Variants in BCL7C observed in about 807,000 individuals in gnomAD.
The protein encoded by BCL7C is B-cell CLL/lymphoma 7 protein family member C.
In BCL7C, 8 loss-of-function variants were observed where a neutral mutation model predicts 26.2. The observed-to-expected ratio is 0.30, with a 90% CI of 0.18 to 0.55. The LOEUF is 0.55. Among genes scored for constraint, BCL7C ranks in the 20% least tolerant of loss-of-function variants. The pLI is 0.93. For missense variants in BCL7C, 262 were observed against 298.5 expected, an observed-to-expected ratio of 0.88 and a Z score of 0.90; for synonymous variants, 90 against 116.5, an observed-to-expected ratio of 0.77 and a Z score of 1.47.
At chr16:30,884,603 T>A (rs2055100943), downstream of BCL7C, among the ~76,000 whole-genome samples, 1 of 151,554 alleles carries the variant, frequency 6.6e-6, no homozygotes, top group South Asian at 2.1e-4. Context: ...TTCAAGAGAT[T>A]CTCCTGCCTC....
rs532948878 is a variant in BCL7C, at chr16:30,872,284, C to T, written c.528+16576G>A. ...AGTGGTCAGTCCTGAGAGCAGGTGGCGGCCTGACATTCCAGAAACATGGGA... is the reference window on the plus strand; with the variant it reads ...AGTGGTCAGTCCTGAGAGCAGGTGGTGGCCTGACATTCCAGAAACATGGGA... On this transcript the variant is annotated intron_variant, in intron 5 of 5. Coordinates refer to the BCL7C transcript ENST00000380317. 4.2e-4 allele frequency among the ~76,000 whole-genome samples: 64 copies of T among 152,170 alleles called. 1 individual carries two copies. The South Asian group carries it at 0.011, about 27-fold the overall frequency.
chr16:30,844,304 G>GGCACCAAT (rs1363842927), intron 5 of BCL7C, among the ~76,000 whole-genome samples: 2 of 127,902 alleles, frequency 1.6e-5, no homozygotes, highest in Non-Finnish European at 3.1e-5. Flanking sequence ...GAGCCCAGAT[G>GGCACCAAT]GCACCAATGC....
intron 5 of BCL7C, among the ~76,000 whole-genome samples, chr16:30,869,449 C>T (rs1385115144): frequency 6.6e-6 from 1 of 151,320 alleles, no homozygotes; most frequent in African/African-American, 2.4e-5. Flanking sequence ...TAGTGGATCT[C>T]CTGCCTCTGC....
At position 30,893,951 on chromosome 16, in the gene BCL7C, G is replaced by C; in HGVS notation, c.-7C>G. ...GTACAGTCCGGCCGGCCATGCTGGC[G>C]GGGCTGGGGCCGGGGCCGAGCCCGC... On this transcript the variant is annotated 5_prime_UTR_variant, in exon 1 of 6. Coordinates refer to ENST00000215115, the MANE Select transcript of BCL7C (RefSeq NM_004765.4). This position sits in a 1 kb window ranked among gnomAD's most constrained non-coding sequence, Gnocchi z 5.2. The C allele has an allele frequency of 2.0e-6, 3 of 1,517,376 alleles. No individual in the cohort carries two copies. The highest frequency in any genetic ancestry group is 1.8e-6 in the Non-Finnish European group (2 of 1,134,676). 94.0% of individuals were successfully genotyped at this position (1,517,376 alleles called of 1,614,324 possible). A position where few individuals can be genotyped will look rare whatever the true frequency, so the allele number is the denominator to read the frequency against.
In BCL7C at chr16:30,893,075, G is replaced by A. The variant is rs1360474774; in HGVS notation, c.172-127C>T. 3.3e-6 allele frequency: 4 copies of A among 1,220,582 alleles called. No individual in the cohort carries two copies. The highest frequency in any genetic ancestry group is 2.8e-5 in the South Asian group (2 of 71,664). The allele number at this position is 1,220,582 out of a possible 1,614,324, so 75.6% of individuals were successfully genotyped here. A position where few individuals can be genotyped will look rare whatever the true frequency, so the allele number is the denominator to read the frequency against. The stretch of plus-strand genomic sequence containing the variant: ...TGGAGCAGAAAAGAGGGCAAAAGGG[G>A]AGGAGCTGCTAATGATGGTTCCCGT... On this transcript the variant is annotated intron_variant, in intron 2 of 5. Transcript: ENST00000215115. The surrounding 1 kb of genome is among the most constrained non-coding windows in gnomAD (Gnocchi z 5.2).
chr16:30,879,689 C>CAAAAAAAAAAAAAAAAAAACAA (rs2055008577), intron 5 of BCL7C, among the ~76,000 whole-genome samples: 1 of 29,406 alleles, frequency 3.4e-5, no homozygotes, highest in African/African-American at 1.3e-4. Context: ...CCCTTCTCTA[C>CAAAAAAAAAAAAAAAAAAACAA]AAAAAAAAAA....
chr16:30,879,624 G>A (rs2055006817), intron 5 of BCL7C, among the ~76,000 whole-genome samples: 1 of 145,622 alleles, frequency 6.9e-6, no homozygotes, highest in South Asian at 2.2e-4. Context: ...GTGAGGCCAG[G>A]AGGATCCCTT....
At chr16:30,847,069 A>C (rs548794496) in intron 5 of BCL7C, among the ~76,000 whole-genome samples, 1 of 152,368 alleles carries the variant, frequency 6.6e-6, no homozygotes, top group Non-Finnish European at 1.5e-5. Context: ...CTCAAGTCAC[A>C]GTCTGAGAAT....
Position 30,893,413 on chromosome 16 carries a change from C to G in BCL7C, c.93-123G>C. ...GCACAGGAGGATAGCAACAGTTTTG[C>G]TAATGGGGCATAGTTACATGGAGGA... On this transcript the variant is annotated intron_variant, in intron 1 of 5. Coordinates refer to ENST00000215115, the MANE Select transcript of BCL7C (RefSeq NM_004765.4). The surrounding 1 kb of genome is among the most constrained non-coding windows in gnomAD (Gnocchi z 5.2). 2 of 689,024 alleles carry G rather than the reference C, an allele frequency of 2.9e-6. No homozygotes were observed. The highest frequency in any genetic ancestry group is 4.9e-6 in the Non-Finnish European group (2 of 407,798). The allele number at this position is 689,024 out of a possible 1,614,324, so 42.7% of individuals were successfully genotyped here. A position where few individuals can be genotyped will look rare whatever the true frequency, so the allele number is the denominator to read the frequency against.
At chr16:30,889,645 C>T (rs1449907378) in intron 4 of BCL7C, among the ~76,000 whole-genome samples, 2 of 152,114 alleles carry the variant, frequency 1.3e-5, no homozygotes, top group Admixed American at 1.3e-4. Flanking sequence ...TGTGCCACCA[C>T]GTCCCGCTGA....
At chr16:30,874,609 G>A (rs1394945673) in intron 5 of BCL7C, among the ~76,000 whole-genome samples, 1 of 151,914 alleles carries the variant, frequency 6.6e-6, no homozygotes, top group Admixed American at 6.6e-5. Context: ...ACAGTGAGGC[G>A]GTCTCAAAAC....
At chr16:30,875,036 C>T (rs1294026911) in intron 5 of BCL7C, among the ~76,000 whole-genome samples, 2 of 152,224 alleles carry the variant, frequency 1.3e-5, no homozygotes, top group South Asian at 2.1e-4. Context: ...CCCTCCTTCC[C>T]GGCCTCATCT....
At chr16:30,888,333 CTTTA>C (rs1025363608) in intron 5 of BCL7C, among the ~76,000 whole-genome samples, 2 of 151,982 alleles carry the variant, frequency 1.3e-5, no homozygotes, top group African/African-American at 4.8e-5. Context: ...TTTTGTCAGG[CTTTA>C]TTTATTTATT....
Position 30,893,852 on chromosome 16 carries a change from C to G in BCL7C, c.92+1G>C, listed in dbSNP as rs780442592. 6.2e-7 allele frequency: 1 copy of G among 1,601,384 alleles called. No individual in the cohort carries two copies. The highest frequency in any genetic ancestry group is 8.5e-7 in the Non-Finnish European group (1 of 1,178,916). ...GTCCCTGGCCCCCGAGCAGCGCTCA[C>G]CATCTCCGGACCTTCTCGATGGTCG... On this transcript the variant is annotated splice_donor_variant, in intron 1 of 5. Transcript: ENST00000215115. LOFTEE classifies it high-confidence loss of function. The surrounding 1 kb of genome is among the most constrained non-coding windows in gnomAD (Gnocchi z 5.2).
downstream of BCL7C, among the ~76,000 whole-genome samples, chr16:30,885,030 G>A (rs946595319): frequency 4.6e-5 from 7 of 152,164 alleles, no homozygotes; most frequent in Admixed American, 2.6e-4. Flanking sequence ...GCAAACAGCC[G>A]ACATTACCAT....
chr16:30,884,605 TCCTG>T (rs1472054732), downstream of BCL7C, among the ~76,000 whole-genome samples: 5 of 150,046 alleles, frequency 3.3e-5, no homozygotes, highest in Non-Finnish European at 7.4e-5. Context: ...CAAGAGATTC[TCCTG>T]CCTCAGTCTC....
chr16:30,868,455 G>A lies in BCL7C; in HGVS notation c.528+20405C>T, dbSNP rs185232705. Among the ~76,000 whole-genome samples, 7 of 148,622 alleles carry A rather than the reference G, an allele frequency of 4.7e-5. No homozygotes were observed. In the East Asian group the frequency reaches 1.5e-3, roughly 31 times the overall value. ...CCCCGCCAAATCTGTGTTGTTTTAA[G>A]CTACTAAATTTGCTGTAATTTGTTA... On this transcript the variant is annotated intron_variant, in intron 5 of 5. Coordinates refer to the BCL7C transcript ENST00000380317.
rs769629157 is a variant in BCL7C at position 30,892,606 on chromosome 16, G to C, written c.422C>G (p.Pro141Arg). ...CCTACCTCTCTCTTGGCCCAGCCGT[G>C]GGGGCTGAGCCTCCTCAGGGACCCC... ...PEGVPEEAQP[P>R]RLGQERDPGG... Residue 141 changes from proline to arginine, a missense_variant, in exon 4 of 6, where the codon CCA (proline) becomes CGA (arginine). Physicochemically the swap from Pro to Arg is moderately radical, Grantham distance 103. Transcript: ENST00000215115. 56 of 1,582,204 alleles carry C rather than the reference G, an allele frequency of 3.5e-5. No homozygotes were observed. Among genetic ancestry groups the C allele is most frequent in the Non-Finnish European group, 4.6e-5 (54 of 1,168,330 alleles).
intron 5 of BCL7C, among the ~76,000 whole-genome samples, chr16:30,879,412 G>C (rs2055004132): frequency 6.6e-6 from 1 of 151,996 alleles, no homozygotes; most frequent in South Asian, 2.1e-4. Context: ...TAATTTAGCA[G>C]TAAAAAGGAA....
Sources: gnomAD v4.1 joint callset for allele counts (sites outside exome capture counted in the v4.1 genomes callset) on GRCh38, gnomAD v4.1.1 for gene constraint, Gnocchi (gnomAD v3.1) non-coding constraint, MANE v1.5 for transcripts, NCBI Gene and HGNC (gene_info 2026-07-23, HGNC 2026-07-21) for gene names.